The following CAST variants were observed in gnomAD, a reference collection of about 807,000 sequenced individuals.
CAST encodes the protein MIR583 host.
Under a neutral mutation model 119.6 loss-of-function variants are expected in CAST, and 76 were observed. The ratio of observed to expected loss-of-function variants is 0.64; its 90% CI spans 0.53 to 0.77. CAST has a LOEUF of 0.77. Ranked by LOEUF, CAST falls within the 30% of genes least tolerant of loss-of-function variation. The pLI is 0.00. For missense variants in CAST, 953 were observed against 946.5 expected, an observed-to-expected ratio of 1.01 and a Z score of -0.09; for synonymous variants, 319 against 331.6, an observed-to-expected ratio of 0.96 and a Z score of 0.41.
chr5:96,428,083 C>A, the CAST span, among the ~76,000 whole-genome samples: 31 of 152,246 alleles, frequency 2.0e-4, no homozygotes, highest in African/African-American at 7.2e-4. Context: ...CTTTTACATT[C>A]GAACACTGGT....
the CAST span, among the ~76,000 whole-genome samples, chr5:96,097,791 T>C: frequency 6.6e-6 from 1 of 152,238 alleles, no homozygotes; most frequent in Non-Finnish European, 1.5e-5. Flanking sequence ...GCAATGAACA[T>C]ATGCATGCAT....
At chr5:96,557,985 C>A (rs1580823653) in intron 1 of CAST, among the ~76,000 whole-genome samples, 1 of 152,200 alleles carries the variant, frequency 6.6e-6, no homozygotes, top group East Asian at 1.9e-4. Flanking sequence ...TGTAAAAGAA[C>A]AGAAATTATA....
intron 1 of CAST, among the ~76,000 whole-genome samples, chr5:96,610,289 C>T (rs1747334641): frequency 6.6e-6 from 1 of 152,140 alleles, no homozygotes; most frequent in African/African-American, 2.4e-5. Context: ...AACCATAAGC[C>T]AATTAAACCT....
At chr5:96,387,690 A>C in the CAST span, among the ~76,000 whole-genome samples, 1 of 152,186 alleles carries the variant, frequency 6.6e-6, no homozygotes, top group African/African-American at 2.4e-5. Context: ...ATTATGCATG[A>C]TATGTGGGGA....
chr5:96,359,434 T>C, the CAST span, among the ~76,000 whole-genome samples: 1 of 152,370 alleles, frequency 6.6e-6, no homozygotes, highest in East Asian at 1.9e-4. Context: ...GTGTCAATGG[T>C]CTTTACAATT....
At chr5:96,375,546 T>A in the CAST span, among the ~76,000 whole-genome samples, 1 of 152,060 alleles carries the variant, frequency 6.6e-6, no homozygotes, top group Non-Finnish European at 1.5e-5. Context: ...AAAATTCTCC[T>A]GTGATGATTA....
the CAST span, among the ~76,000 whole-genome samples, chr5:96,238,384 C>CCTTCTTCTT: frequency 1.4e-3 from 155 of 109,584 alleles, no homozygotes; most frequent in Middle Eastern, 5.4e-3. Context: ...TCCTTCTTCT[C>CCTTCTTCTT]CTTCTTCTTC....
chr5:96,426,895 A>G, the CAST span, among the ~76,000 whole-genome samples: 1 of 152,244 alleles, frequency 6.6e-6, no homozygotes, highest in Non-Finnish European at 1.5e-5. Context: ...ATATACTGCA[A>G]ACCTATTAAA....
the CAST span, among the ~76,000 whole-genome samples, chr5:96,511,639 G>A: frequency 2.0e-5 from 3 of 152,160 alleles, no homozygotes; most frequent in Non-Finnish European, 4.4e-5. Context: ...GGAATAGAAA[G>A]GACATTTTAT....
the CAST span, among the ~76,000 whole-genome samples, chr5:96,448,617 G>C: frequency 2.6e-5 from 4 of 152,034 alleles, no homozygotes; most frequent in Non-Finnish European, 5.9e-5. Flanking sequence ...ATTTCTGTTA[G>C]TGTGCAAACT....
chr5:96,063,731 C>A, the CAST span, among the ~76,000 whole-genome samples: 243 of 152,246 alleles, frequency 1.6e-3, 1 homozygote, highest in South Asian at 3.5e-3. Flanking sequence ...TTTATTTAAT[C>A]ATTTCAACAA....
chr5:96,169,490 A>C, the CAST span, among the ~76,000 whole-genome samples: 2 of 152,212 alleles, frequency 1.3e-5, no homozygotes, highest in Non-Finnish European at 2.9e-5. Context: ...CAGATCCTGA[A>C]CTAACTTGTA....
chr5:96,137,999 C>T, the CAST span, among the ~76,000 whole-genome samples: 3 of 151,774 alleles, frequency 2.0e-5, no homozygotes, highest in Non-Finnish European at 4.4e-5. Flanking sequence ...TTAACAAAGT[C>T]CAACTTATGA....
At chr5:96,726,069 A>G (rs1217386858) in intron 4 of CAST, among the ~76,000 whole-genome samples, 1 of 152,206 alleles carries the variant, frequency 6.6e-6, no homozygotes, top group Non-Finnish European at 1.5e-5. Context: ...ATAAATAAAT[A>G]AAAACCACTA....
the CAST span, among the ~76,000 whole-genome samples, chr5:96,286,135 G>A: frequency 6.6e-6 from 1 of 152,194 alleles, no homozygotes; most frequent in Non-Finnish European, 1.5e-5. Context: ...TGGGCATTAA[G>A]GTGCCAGTTT....
At chr5:96,342,926 T>C in the CAST span, among the ~76,000 whole-genome samples, 1 of 152,226 alleles carries the variant, frequency 6.6e-6, no homozygotes, top group African/African-American at 2.4e-5. Context: ...AAAATGTCTT[T>C]AAAATTATGA....
the CAST span, among the ~76,000 whole-genome samples, chr5:95,988,254 C>T: frequency 1.3e-5 from 2 of 152,166 alleles, no homozygotes; most frequent in Admixed American, 6.5e-5. Flanking sequence ...TCTCCCTTCC[C>T]TCCCACCAGT....
the CAST span, among the ~76,000 whole-genome samples, chr5:96,516,498 G>A: frequency 6.6e-6 from 1 of 152,258 alleles, no homozygotes; most frequent in African/African-American, 2.4e-5. Flanking sequence ...TGCAGAATTA[G>A]GAAGGTGAAA....
chr5:96,390,084 T>C, the CAST span, among the ~76,000 whole-genome samples: 1 of 152,220 alleles, frequency 6.6e-6, no homozygotes, highest in African/African-American at 2.4e-5. Flanking sequence ...TAAGTCTGTT[T>C]AGTTTAGTTT....
Sources: gnomAD v4.1 joint callset for allele counts (sites outside exome capture counted in the v4.1 genomes callset) on GRCh38, gnomAD v4.1.1 for gene constraint, MANE v1.5 for transcripts, NCBI Gene and HGNC (gene_info 2026-07-23, HGNC 2026-07-21) for gene names.